UQCC4: variants seen among roughly 807,000 people sequenced by gnomAD.
The protein encoded by UQCC4 is cattle cerebrum and skeletal muscle-specific protein 1 family member.
chr16:1,420,674 A>G, the UQCC4 span: 3,422 of 1,548,790 alleles, frequency 2.2e-3, 81 homozygotes, highest in South Asian at 0.032. Context: ...CGGCCCTCCG[A>G]GACCTTGAGG....
chr16:1,420,575 G>A, the UQCC4 span: 4 of 1,607,280 alleles, frequency 2.5e-6, no homozygotes, highest in Non-Finnish European at 3.4e-6. Flanking sequence ...TGAAGGCTTC[G>A]GGAAGCCCAG....
the UQCC4 span, chr16:1,419,915 T>C: frequency 6.9e-7 from 1 of 1,451,450 alleles, no homozygotes; most frequent in Non-Finnish European, 9.3e-7. Context: ...GGATGACAAG[T>C]GTCACCAGAA....
At chr16:1,420,351 C>T in the UQCC4 span, 1 of 1,614,260 alleles carries the variant, frequency 6.2e-7, no homozygotes, top group Non-Finnish European at 8.5e-7. Context: ...CCGCCTCGCT[C>T]TCCTCCCTCA....
chr16:1,419,994 C>T, the UQCC4 span: 5 of 1,597,366 alleles, frequency 3.1e-6, no homozygotes, highest in East Asian at 4.6e-5. Context: ...GCAACTGAAA[C>T]CTTCCCCAAG....
At chr16:1,420,558 C>A in the UQCC4 span, 2 of 1,612,344 alleles carry the variant, frequency 1.2e-6, no homozygotes, top group Admixed American at 3.4e-5. Context: ...GGGAACCGGG[C>A]AACGGATGAA....
the UQCC4 span, chr16:1,420,499 G>C: frequency 6.2e-7 from 1 of 1,614,260 alleles, no homozygotes; most frequent in Non-Finnish European, 8.5e-7. Flanking sequence ...AAACTCAATG[G>C]GGCGGTCAGG....
chr16:1,420,609 G>C, the UQCC4 span: 1 of 1,570,750 alleles, frequency 6.4e-7, no homozygotes, highest in Non-Finnish European at 8.6e-7. Flanking sequence ...GCGCCCGGAC[G>C]GCCCTGGAAG....
the UQCC4 span, chr16:1,420,374 T>C: frequency 1.9e-6 from 3 of 1,614,222 alleles, no homozygotes; most frequent in South Asian, 2.2e-5. Flanking sequence ...TAGCACCAGA[T>C]GATCAGCGCC....
the UQCC4 span, chr16:1,420,104 G>A: frequency 4.3e-6 from 7 of 1,613,180 alleles, no homozygotes; most frequent in African/African-American, 9.3e-5. Flanking sequence ...ACGCGAATCA[G>A]CATAGCCAAG....
chr16:1,420,200 A>G, the UQCC4 span: 2 of 1,613,994 alleles, frequency 1.2e-6, no homozygotes, highest in Admixed American at 1.7e-5. Context: ...TCAAATCCGA[A>G]GGGCGGCTGT....
chr16:1,420,480 G>A, the UQCC4 span: 4 of 1,614,274 alleles, frequency 2.5e-6, no homozygotes, highest in East Asian at 8.9e-5. Context: ...GGTTGGCTTT[G>A]CTGGAGGAAA....
At chr16:1,420,533 G>C in the UQCC4 span, 3 of 1,613,922 alleles carry the variant, frequency 1.9e-6, no homozygotes, top group African/African-American at 4.0e-5. Flanking sequence ...TCGGCGGCAG[G>C]GTGGGCCCGA....
At chr16:1,420,496 A>G in the UQCC4 span, 2,976 of 1,614,196 alleles carry the variant, frequency 1.8e-3, 34 homozygotes, top group African/African-American at 0.028. Context: ...GGAAAACTCA[A>G]TGGGGCGGTC....
chr16:1,420,741 G>C, the UQCC4 span: 75 of 1,536,554 alleles, frequency 4.9e-5, no homozygotes, highest in South Asian at 7.3e-4. Context: ...TTGACTCCTC[G>C]ACTGACGCCT....
At chr16:1,420,705 C>A in the UQCC4 span, 90 of 1,542,618 alleles carry the variant, frequency 5.8e-5, no homozygotes, top group Admixed American at 7.8e-5. Flanking sequence ...GCCGCCGGGG[C>A]ACACAAGACA....
At chr16:1,420,287 C>T in the UQCC4 span, 10 of 1,614,036 alleles carry the variant, frequency 6.2e-6, no homozygotes, top group Non-Finnish European at 5.1e-6. Context: ...TCAGGCTCCT[C>T]AGAACGATCA....
the UQCC4 span, chr16:1,420,725 G>C: frequency 1.7e-4 from 257 of 1,538,992 alleles, no homozygotes; most frequent in Non-Finnish European, 2.2e-4. Flanking sequence ...ACGATTCATT[G>C]CTGCCTTGAC....
chr16:1,420,746 A>T, the UQCC4 span: 1 of 1,535,614 alleles, frequency 6.5e-7, no homozygotes, highest in African/African-American at 1.4e-5. Context: ...TCCTCGACTG[A>T]CGCCTTGGCG....
the UQCC4 span, chr16:1,420,232 C>T: frequency 1.2e-6 from 2 of 1,613,516 alleles, no homozygotes; most frequent in Non-Finnish European, 1.7e-6. Context: ...CTGCCAGCCC[C>T]AGCGGGCACC....
Sources: gnomAD v4.1 joint callset for allele counts on GRCh38, gnomAD v4.1.1 for gene constraint, MANE v1.5 for transcripts, NCBI Gene and HGNC (gene_info 2026-07-23, HGNC 2026-07-21) for gene names.